Variants in SCFD1 observed in about 807,000 individuals in gnomAD.
SCFD1 encodes sec1 family domain-containing protein 1.
SCFD1 carries 37 observed loss-of-function variants against 103.2 expected under a neutral mutation model. The ratio of observed to expected loss-of-function variants is 0.36; its 90% CI spans 0.28 to 0.47. SCFD1 has a LOEUF of 0.47. Among genes scored for constraint, SCFD1 ranks in the 20% least tolerant of loss-of-function variants. The pLI, the probability that SCFD1 is intolerant of heterozygous loss-of-function variation, is 1.00. For synonymous variants in SCFD1, 264 were observed against 245.0 expected (o/e 1.08, Z -0.73); for missense variants, 639 against 761.2 (o/e 0.84, Z 1.89).
chr14:30,622,362 A>T lies in SCFD1; in HGVS notation c.24A>T (p.Thr8=). Reference sequence around the variant, plus strand: ...AGATGGCGGCGGCGGCGGCAGCGACAGCAGCAGCAGCAGCCAGTATTCGGG... The same window carrying T: ...AGATGGCGGCGGCGGCGGCAGCGACTGCAGCAGCAGCAGCCAGTATTCGGG... MAAAAAA[T]AAAAASIRER... Residue 8 remains threonine (T), a synonymous_variant, in exon 1 of 25, where the codon ACA becomes ACT. Coordinates refer to ENST00000458591, the MANE Select transcript of SCFD1 (RefSeq NM_016106.4). 1 of 1,547,232 alleles carries T rather than the reference A, an allele frequency of 6.5e-7. No individual in the cohort carries two copies. The highest frequency in any genetic ancestry group is 8.7e-7 in the Non-Finnish European group (1 of 1,144,406).
At chr14:30,670,482 G>A (rs567968803) in intron 11 of SCFD1, 87 bp downstream of exon 11, 1 of 925,466 alleles carries the variant, frequency 1.1e-6, no homozygotes, top group Non-Finnish European at 1.6e-6. Flanking sequence ...AGAAAAAAAA[G>A]GGTCATGTAG....
intron 7 of SCFD1, chr14:30,643,825 C>G (rs887058920): frequency 2.4e-6 from 1 of 411,360 alleles, no homozygotes; most frequent in Non-Finnish European, 4.8e-6. Context: ...TACTAATCTA[C>G]CTATACCTTC....
rs551570095 is a variant in SCFD1 at position 30,653,806 on chromosome 14, A to G, written c.855+218A>G. 3.8e-4 allele frequency: 130 copies of G among 339,490 alleles called. No homozygotes were observed. In the Middle Eastern group the frequency reaches 6.2e-3, roughly 16 times the overall value. The allele number at this position is 339,490 out of a possible 1,614,324, so 21.0% of individuals were successfully genotyped here. ...TCAAATTTATGATCTTTATAGGGTAAAGTAGTGGTTTTGTTGGCCATGGAA... is the reference window on the plus strand; with the variant it reads ...TCAAATTTATGATCTTTATAGGGTAGAGTAGTGGTTTTGTTGGCCATGGAA... On this transcript the variant is annotated intron_variant, in intron 10 of 24. Transcript: ENST00000458591.
intron 10 of SCFD1, chr14:30,669,938 G>A (rs527701887): frequency 9.4e-6 from 2 of 211,828 alleles, no homozygotes; most frequent in South Asian, 8.5e-5. Context: ...GATATAACAT[G>A]TACCCTGTAA....
chr14:30,705,772 C>T (rs1472311580), intron 17 of SCFD1, 51 bp from the exon 18 acceptor site: 1 of 1,362,574 alleles, frequency 7.3e-7, no homozygotes, highest in South Asian at 1.2e-5. Context: ...CCGTGACACC[C>T]AGAGTTAGTT....
chr14:30,640,822 A>C (rs1198585105), intron 6 of SCFD1, among the ~76,000 whole-genome samples: 2 of 152,256 alleles, frequency 1.3e-5, no homozygotes, highest in South Asian at 4.1e-4. Flanking sequence ...AAATATTCGT[A>C]TACTTATAAG....
chr14:30,673,707 C>T (rs774963423), intron 12 of SCFD1, among the ~76,000 whole-genome samples: 1 of 152,154 alleles, frequency 6.6e-6, no homozygotes, highest in African/African-American at 2.4e-5. Context: ...ATCATTTAGA[C>T]ATCTAACCAT....
chr14:30,648,050 C>T (rs1057235204), intron 7 of SCFD1, among the ~76,000 whole-genome samples: 1 of 152,094 alleles, frequency 6.6e-6, no homozygotes, highest in Non-Finnish European at 1.5e-5. Flanking sequence ...AGTTTTAGAA[C>T]AGTATATATA....
chr14:30,662,506 T>G (rs1422615157), intron 10 of SCFD1, among the ~76,000 whole-genome samples: 1 of 141,640 alleles, frequency 7.1e-6, no homozygotes, highest in Non-Finnish European at 1.5e-5. Context: ...TTTATTTCTC[T>G]TGTTGGTTAA....
chr14:30,702,251 C>A, intron 16 of SCFD1, 45 bp from the exon 17 acceptor site: 1 of 1,270,888 alleles, frequency 7.9e-7, no homozygotes, highest in Non-Finnish European at 1.1e-6. Context: ...TAACATCTTT[C>A]TTGAAAGTAA....
chr14:30,669,554 T>G (rs1017931604), intron 10 of SCFD1, among the ~76,000 whole-genome samples: 5 of 132,432 alleles, frequency 3.8e-5, no homozygotes, highest in African/African-American at 1.3e-4. Flanking sequence ...GGTTTTTTGG[T>G]TTTTTTTACA....
intron 21 of SCFD1, 66 bp from the exon 22 acceptor site, chr14:30,721,818 C>T (rs935464059): frequency 2.3e-6 from 3 of 1,295,958 alleles, no homozygotes; most frequent in African/African-American, 2.9e-5. Flanking sequence ...GTGTATTTCC[C>T]ATACCTATTT....
chr14:30,640,286 G>C (rs1885139658), intron 6 of SCFD1, among the ~76,000 whole-genome samples: 1 of 152,052 alleles, frequency 6.6e-6, no homozygotes, highest in South Asian at 2.1e-4. Context: ...TGAATCTTTT[G>C]GTTTCATTGA....
intron 1 of SCFD1, among the ~76,000 whole-genome samples, chr14:30,625,667 G>C (rs1168417858): frequency 6.6e-6 from 1 of 151,926 alleles, no homozygotes; most frequent in Admixed American, 6.6e-5. Flanking sequence ...ATAGGTATAG[G>C]TATATAGGCA....
intron 10 of SCFD1, among the ~76,000 whole-genome samples, chr14:30,660,139 G>A (rs1394459203): frequency 5.9e-5 from 9 of 152,116 alleles, no homozygotes; most frequent in Non-Finnish European, 8.8e-5. Flanking sequence ...ATCTATACAT[G>A]GCATTAGTTG....
At chr14:30,674,856 GT>G in intron 13 of SCFD1, 127 bp from the exon 14 acceptor site, 1 of 483,548 alleles carries the variant, frequency 2.1e-6, no homozygotes, top group Non-Finnish European at 3.7e-6. Flanking sequence ...TTAGTTGATA[GT>G]TTAATTCGTC....
At chr14:30,690,566 C>T (rs1466478324) in intron 14 of SCFD1, among the ~76,000 whole-genome samples, 3 of 136,402 alleles carry the variant, frequency 2.2e-5, no homozygotes. Flanking sequence ...TGGAAGTGAC[C>T]CGATTTTCCA....
intron 15 of SCFD1, among the ~76,000 whole-genome samples, chr14:30,698,646 G>T (rs1312201408): frequency 6.6e-6 from 1 of 152,136 alleles, no homozygotes; most frequent in African/African-American, 2.4e-5. Flanking sequence ...TTTGCCCTTT[G>T]TCCTCTAGCT....
At chr14:30,682,948 G>T in intron 14 of SCFD1, 1 of 497,846 alleles carries the variant, frequency 2.0e-6, no homozygotes, top group Non-Finnish European at 3.4e-6. Flanking sequence ...TAATATCACA[G>T]CTCATGATAC....
Sources: gnomAD v4.1 joint callset for allele counts (sites outside exome capture counted in the v4.1 genomes callset) on GRCh38, gnomAD v4.1.1 for gene constraint, MANE v1.5 for transcripts, NCBI Gene and HGNC (gene_info 2026-07-23, HGNC 2026-07-21) for gene names.